Variants in EPHA3 observed in about 807,000 individuals in gnomAD.
EPHA3 encodes the protein EPH receptor A3, also known as ephrin type-A receptor 3.
EPHA3 carries 42 observed loss-of-function variants against 107.1 expected under a neutral mutation model. That is an observed-to-expected ratio of 0.39 (90% CI 0.31 to 0.51). EPHA3 has a LOEUF of 0.51. Among genes scored for constraint, EPHA3 ranks in the 20% least tolerant of loss-of-function variants. EPHA3 has a pLI of 0.78. For missense variants in EPHA3, 1,183 were observed against 1,211.2 expected, an observed-to-expected ratio of 0.98 and a Z score of 0.35; for synonymous variants, 461 against 424.8, an observed-to-expected ratio of 1.09 and a Z score of -1.05.
intron 2 of EPHA3, among the ~76,000 whole-genome samples, chr3:89,140,951 C>A (rs1336418324): frequency 1.3e-5 from 2 of 151,724 alleles, no homozygotes; most frequent in East Asian, 3.9e-4. Context: ...ATTCCTAGTG[C>A]TTTCGATATA....
chr3:89,401,183 T>G (rs1225464509), intron 7 of EPHA3, among the ~76,000 whole-genome samples: 1 of 152,238 alleles, frequency 6.6e-6, no homozygotes, highest in African/African-American at 2.4e-5. Context: ...GGAGTACATA[T>G]TTTATGGCAC....
At chr3:89,345,496 C>T (rs965470576) in intron 5 of EPHA3, among the ~76,000 whole-genome samples, 8 of 151,112 alleles carry the variant, frequency 5.3e-5, no homozygotes, top group African/African-American at 9.7e-5. Context: ...ATTTATTCCA[C>T]GTGCTTTATC....
chr3:89,314,998 A>T (rs1317548451), intron 3 of EPHA3, among the ~76,000 whole-genome samples: 1 of 151,768 alleles, frequency 6.6e-6, no homozygotes, highest in African/African-American at 2.4e-5. Context: ...ACAGCATGTT[A>T]TGGCACTGAT....
At chr3:89,136,341 T>TTTTTTTTTTTTTTG (rs1704313372) in intron 2 of EPHA3, among the ~76,000 whole-genome samples, 2 of 136,274 alleles carry the variant, frequency 1.5e-5, no homozygotes, top group East Asian at 2.1e-4. Context: ...TTTTTTTTTT[T>TTTTTTTTTTTTTTG]TTTTTTTTTT....
chr3:89,398,880 A>G (rs1455726138), intron 6 of EPHA3, among the ~76,000 whole-genome samples: 1 of 152,186 alleles, frequency 6.6e-6, no homozygotes, highest in African/African-American at 2.4e-5. Context: ...CTGTAATCCC[A>G]GCACTTTGGG....
intron 5 of EPHA3, among the ~76,000 whole-genome samples, chr3:89,375,510 G>T (rs1708385864): frequency 6.6e-6 from 1 of 151,678 alleles, no homozygotes. Flanking sequence ...TGGAATACTT[G>T]CTTCAGAGTT....
chr3:89,157,616 C>T (rs1449464397), intron 2 of EPHA3, among the ~76,000 whole-genome samples: 5 of 151,884 alleles, frequency 3.3e-5, no homozygotes, highest in Non-Finnish European at 5.9e-5. Flanking sequence ...AAGGGGTAAC[C>T]TTGCGGGGAT....
At chr3:89,246,804 C>CT (rs569259555) in intron 3 of EPHA3, among the ~76,000 whole-genome samples, 110 of 151,496 alleles carry the variant, frequency 7.3e-4, no homozygotes, top group Middle Eastern at 3.4e-3. Flanking sequence ...TTATTTAAAT[C>CT]TTTTTTTTTA....
At position 89,342,080 on chromosome 3, in the gene EPHA3, T is replaced by C. The variant is rs567063716; in HGVS notation, c.1296T>C (p.Thr432=). The C allele has an allele frequency of 1.9e-6, 3 of 1,609,710 alleles. No individual in the cohort carries two copies. The highest frequency in any genetic ancestry group is 3.4e-5 in the Admixed American group (2 of 59,318). ...PRQFAAVSIT[T]NQAAPSPVLT... ...AGTTTGCTGCGGTCAGCATCACAAC[T>C]AATCAGGCTGGTGAGTACATACTAG... The change falls in exon 5 of 17, where the codon ACT becomes ACC. Residue 432 remains threonine, a synonymous_variant. Transcript: ENST00000336596.
At chr3:89,325,270 ATTTC>A (rs575497809) in intron 3 of EPHA3, among the ~76,000 whole-genome samples, 7 of 152,094 alleles carry the variant, frequency 4.6e-5, no homozygotes, top group East Asian at 1.9e-4. Flanking sequence ...AAATAAATAC[ATTTC>A]TTTCTATGTC....
At chr3:89,438,872 CTT>C (rs556100236) in intron 13 of EPHA3, among the ~76,000 whole-genome samples, 43 of 152,272 alleles carry the variant, frequency 2.8e-4, no homozygotes, top group Admixed American at 2.6e-3. Context: ...TGAATCGACA[CTT>C]AATGAAAAGT....
In EPHA3 at chr3:89,459,501, C is replaced by CCTTCCTTT. The variant is rs777050272; in HGVS notation, c.2690+9138_2690+9139insTCTTCCTT. On this transcript the variant is annotated intron_variant, in intron 15 of 16. Coordinates refer to ENST00000336596, the MANE Select transcript of EPHA3 (RefSeq NM_005233.6). The stretch of plus-strand genomic sequence containing the variant: ...TCTCTCCTTCCTTCTCTCCTTCCTT[C>CCTTCCTTT]CTTCCTTCCTTCCTTCCTTCCTTCG... 2.0e-5 allele frequency among the ~76,000 whole-genome samples: 3 copies of CCTTCCTTT among 149,888 alleles called. No individual in the cohort carries two copies. In the Admixed American group the frequency reaches 2.0e-4, roughly 10 times the overall value.
intron 2 of EPHA3, among the ~76,000 whole-genome samples, chr3:89,208,963 C>T (rs774768771): frequency 3.9e-5 from 6 of 152,118 alleles, no homozygotes; most frequent in Non-Finnish European, 8.8e-5. Flanking sequence ...ACAGAAACAA[C>T]TGGTCTAATA....
At chr3:89,238,322 A>G (rs1423111663) in intron 3 of EPHA3, among the ~76,000 whole-genome samples, 9 of 152,192 alleles carry the variant, frequency 5.9e-5, no homozygotes, top group Non-Finnish European at 5.9e-5. Context: ...CAAAAATATT[A>G]TATAATCATC....
intron 13 of EPHA3, among the ~76,000 whole-genome samples, chr3:89,432,276 A>G (rs1709583829): frequency 6.6e-6 from 1 of 152,182 alleles, no homozygotes; most frequent in African/African-American, 2.4e-5. Flanking sequence ...CATTAATTTT[A>G]CTATTATCAG....
rs1354537650 is a variant in EPHA3 at position 89,209,904 on chromosome 3, G to T, written c.198G>T (p.Arg66Ser). ...SGVDEHYTPI[R>S]TYQVCNVMDH... is the part of the protein sequence containing the mutation. Reference sequence around the variant, plus strand: ...TGGATGAACATTACACACCCATCAGGACTTACCAGGTGTGCAATGTCATGG... The same window carrying T: ...TGGATGAACATTACACACCCATCAGTACTTACCAGGTGTGCAATGTCATGG... The change falls in exon 3 of 17, where the codon AGG becomes AGT. Residue 66 changes from arginine to serine, a missense_variant. Coordinates refer to ENST00000336596, the MANE Select transcript of EPHA3 (RefSeq NM_005233.6). The T allele has an allele frequency of 2.5e-6, 4 of 1,612,866 alleles. No homozygotes were observed. In the Admixed American group the frequency reaches 6.7e-5, roughly 27 times the overall value.
chr3:89,231,371 T>C (rs1704630759), intron 3 of EPHA3, among the ~76,000 whole-genome samples: 2 of 152,194 alleles, frequency 1.3e-5, no homozygotes, highest in African/African-American at 2.4e-5. Flanking sequence ...TAAATATGTA[T>C]GTACCTAAAT....
At chr3:89,282,239 C>T (rs1191925352) in intron 3 of EPHA3, among the ~76,000 whole-genome samples, 1 of 152,038 alleles carries the variant, frequency 6.6e-6, no homozygotes, top group Admixed American at 6.6e-5. Flanking sequence ...ATGATGAATG[C>T]TATAATAATC....
intron 11 of EPHA3, among the ~76,000 whole-genome samples, chr3:89,423,087 A>G (rs1709385542): frequency 6.6e-6 from 1 of 151,492 alleles, no homozygotes; most frequent in South Asian, 2.1e-4. Flanking sequence ...TCAGACTCCA[A>G]GAACACCTTC....
Sources: gnomAD v4.1 joint callset for allele counts (sites outside exome capture counted in the v4.1 genomes callset) on GRCh38, gnomAD v4.1.1 for gene constraint, MANE v1.5 for transcripts, NCBI Gene and HGNC (gene_info 2026-07-23, HGNC 2026-07-21) for gene names.